Variants in SUGCT observed in about 807,000 individuals in gnomAD.
SUGCT encodes the protein succinyl-CoA:glutarate CoA-transferase.
SUGCT carries 41 observed loss-of-function variants against 55.0 expected under a neutral mutation model. The observed-to-expected ratio is 0.74, with a 90% CI of 0.58 to 0.97. The LOEUF (loss-of-function observed/expected upper bound fraction) is 0.97. SUGCT is among the 50% of genes least tolerant of loss of function. SUGCT has a pLI of 0.00. For synonymous variants in SUGCT, 187 were observed against 200.4 expected (o/e 0.93, Z 0.56); for missense variants, 568 against 547.8 (o/e 1.04, Z -0.37).
the SUGCT span, among the ~76,000 whole-genome samples, chr7:40,901,760 G>T: frequency 2.6e-5 from 4 of 152,188 alleles, no homozygotes. Flanking sequence ...TCTCATGGGG[G>T]ATAAATTGAA....
intron 6 of SUGCT, 128 bp downstream of exon 6, chr7:40,195,188 C>T (rs550346304): frequency 3.8e-5 from 38 of 994,234 alleles, no homozygotes; most frequent in East Asian, 3.4e-4. Flanking sequence ...TTTCCAAGGC[C>T]GTTTAGGTTG....
rs938834754 is a variant in SUGCT at position 40,255,585 on chromosome 7, C to T, written c.576+17859C>T. 1.5e-4 allele frequency among the ~76,000 whole-genome samples: 21 copies of T among 139,378 alleles called. No homozygotes were observed. The East Asian group carries it at 1.8e-3, about 12-fold the overall frequency. 91.4% of individuals were successfully genotyped at this position (139,378 alleles called of 152,430 possible). A position where few individuals can be genotyped will look rare whatever the true frequency, so the allele number is the denominator to read the frequency against. ...CTGAGACGGTAGAATTGCTTGAACC[C>T]GGGAGAGGGCGGTTGCAGTGAGCCG... On this transcript the variant is annotated intron_variant, in intron 7 of 13. Transcript: ENST00000335693.
Position 40,187,438 on chromosome 7 carries a change from TA to T in SUGCT, c.227-1046del, listed in dbSNP as rs879441778. 3.4e-3 allele frequency among the ~76,000 whole-genome samples: 498 copies of T among 145,624 alleles called. 3 individuals carry two copies. The highest frequency in any genetic ancestry group is 0.011 in the African/African-American group (424 of 40,366). Reference sequence around the variant, plus strand: ...TACCCTAAAACTTAAAGTATAATAATAAAAAAAAAAAGAATTGTGTGGGTCA... The same window carrying T: ...TACCCTAAAACTTAAAGTATAATAATAAAAAAAAAAGAATTGTGTGGGTCA... On this transcript the variant is annotated intron_variant, in intron 3 of 13. Transcript: ENST00000335693.
intron 13 of SUGCT, among the ~76,000 whole-genome samples, chr7:40,843,456 G>C (rs1341492186): frequency 6.8e-6 from 1 of 148,032 alleles, no homozygotes; most frequent in Non-Finnish European, 1.5e-5. Context: ...GTTGCAATGA[G>C]CTGAGATCAC....
intron 12 of SUGCT, among the ~76,000 whole-genome samples, chr7:40,719,970 A>G (rs1209266273): frequency 4.6e-5 from 7 of 151,906 alleles, no homozygotes; most frequent in Non-Finnish European, 1.0e-4. Context: ...TAATTTTTGT[A>G]TTTTTAGTAG....
intron 6 of SUGCT, among the ~76,000 whole-genome samples, chr7:40,196,401 C>T (rs1231288511): frequency 6.6e-6 from 1 of 152,154 alleles, no homozygotes; most frequent in Non-Finnish European, 1.5e-5. Context: ...TTCTGGAATA[C>T]AGGAGTGATA....
At chr7:40,423,247 C>A (rs1197741490) in intron 9 of SUGCT, among the ~76,000 whole-genome samples, 1 of 152,018 alleles carries the variant, frequency 6.6e-6, no homozygotes, top group Non-Finnish European at 1.5e-5. Context: ...AGGAACCCAC[C>A]CTTTTAGGAA....
At chr7:40,669,111 G>T (rs999216940) in intron 12 of SUGCT, among the ~76,000 whole-genome samples, 5 of 152,002 alleles carry the variant, frequency 3.3e-5, no homozygotes, top group African/African-American at 1.2e-4. Context: ...TCCATTCAGG[G>T]CAATTTTAAG....
chr7:40,802,826 T>C (rs2128751671), intron 13 of SUGCT, among the ~76,000 whole-genome samples: 1 of 152,376 alleles, frequency 6.6e-6, no homozygotes, highest in South Asian at 2.1e-4. Flanking sequence ...ATTTGAAGTA[T>C]GACCATCCCC....
intron 12 of SUGCT, among the ~76,000 whole-genome samples, chr7:40,551,197 T>C (rs1315283052): frequency 2.0e-5 from 3 of 152,234 alleles, no homozygotes; most frequent in Non-Finnish European, 4.4e-5. Context: ...TCTTGTTCTC[T>C]TAGTTCCCAC....
chr7:40,295,466 C>T (rs886624162), intron 8 of SUGCT, among the ~76,000 whole-genome samples: 1 of 152,136 alleles, frequency 6.6e-6, no homozygotes, highest in Non-Finnish European at 1.5e-5. Flanking sequence ...ATCCTAGCTA[C>T]TGGGGTAGCT....
At chr7:40,618,756 T>G (rs186282972) in intron 12 of SUGCT, among the ~76,000 whole-genome samples, 1 of 152,364 alleles carries the variant, frequency 6.6e-6, no homozygotes. Flanking sequence ...ATCACTGTTT[T>G]GCAAGTGAAG....
At chr7:40,743,327 C>A (rs188603148) in intron 12 of SUGCT, among the ~76,000 whole-genome samples, 1 of 152,180 alleles carries the variant, frequency 6.6e-6, no homozygotes, top group Admixed American at 6.5e-5. Flanking sequence ...GAGCACTCTC[C>A]CCCAACTTCT....
At chr7:40,164,736 TGAGAC>T (rs1456800832) in intron 1 of SUGCT, among the ~76,000 whole-genome samples, 1 of 152,204 alleles carries the variant, frequency 6.6e-6, no homozygotes, top group Non-Finnish European at 1.5e-5. Context: ...TGGATGATGA[TGAGAC>T]AATAATTAAT....
the SUGCT span, among the ~76,000 whole-genome samples, chr7:40,878,486 G>A: frequency 6.6e-6 from 1 of 152,148 alleles, no homozygotes; most frequent in South Asian, 2.1e-4. Flanking sequence ...GCTGACTATT[G>A]GGCTGAAAAG....
At chr7:40,311,970 T>C (rs1415851901) in intron 8 of SUGCT, among the ~76,000 whole-genome samples, 1 of 151,996 alleles carries the variant, frequency 6.6e-6, no homozygotes, top group African/African-American at 2.4e-5. Flanking sequence ...GAAGAACATA[T>C]AAATAATATT....
intron 9 of SUGCT, among the ~76,000 whole-genome samples, chr7:40,351,329 A>G (rs909764509): frequency 2.6e-5 from 4 of 151,926 alleles, no homozygotes; most frequent in Admixed American, 2.0e-4. Context: ...AAAAGTATTT[A>G]CCATCTTAAA....
intron 13 of SUGCT, among the ~76,000 whole-genome samples, chr7:40,772,562 CTGGTGT>C (rs1352111237): frequency 2.1e-4 from 27 of 131,452 alleles, no homozygotes; most frequent in Non-Finnish European, 2.9e-4. Context: ...ATCTATCTAT[CTGGTGT>C]TATCTATCTG....
chr7:40,842,573 T>C (rs567074842), intron 13 of SUGCT, among the ~76,000 whole-genome samples: 153 of 152,316 alleles, frequency 1.0e-3, no homozygotes, highest in Non-Finnish European at 1.8e-3. Flanking sequence ...TAGAAACTCT[T>C]CCTCTTCATT....
Sources: allele counts gnomAD v4.1 joint callset (sites outside exome capture counted in the v4.1 genomes callset), GRCh38; gene constraint gnomAD v4.1.1; transcripts MANE v1.5; gene names NCBI Gene and HGNC (gene_info 2026-07-23, HGNC 2026-07-21).